Variants in GRID1 observed in about 807,000 individuals in gnomAD.
GRID1 encodes glutamate ionotropic receptor delta type subunit 1, also known as glutamate receptor ionotropic, delta-1.
GRID1 carries 28 observed loss-of-function variants against 98.0 expected under a neutral mutation model. The ratio of observed to expected loss-of-function variants is 0.29; its 90% CI spans 0.21 to 0.39. The LOEUF is 0.39. Ranked by LOEUF, GRID1 falls within the 10% of genes least tolerant of loss-of-function variation. The pLI is 1.00. For synonymous variants in GRID1, 553 were observed against 538.5 expected (o/e 1.03, Z -0.37); for missense variants, 1,111 against 1,340.5 (o/e 0.83, Z 2.67).
chr10:85,862,615 G>A (rs962777694), intron 6 of GRID1, among the ~76,000 whole-genome samples: 3 of 152,184 alleles, frequency 2.0e-5, no homozygotes, highest in Non-Finnish European at 4.4e-5. Context: ...GAACTCAGCC[G>A]TGAGCTCTTG....
chr10:85,618,372 C>A (rs1243493392), intron 14 of GRID1, among the ~76,000 whole-genome samples: 1 of 152,180 alleles, frequency 6.6e-6, no homozygotes, highest in Non-Finnish European at 1.5e-5. Context: ...GTGGAATCAT[C>A]CTGAGCCTCC....
intron 4 of GRID1, among the ~76,000 whole-genome samples, chr10:85,980,103 C>T (rs758601500): frequency 7.2e-5 from 11 of 152,190 alleles, no homozygotes; most frequent in African/African-American, 1.7e-4. Context: ...GTTCCTGGAA[C>T]GCTCTCCCCT....
intron 4 of GRID1, among the ~76,000 whole-genome samples, chr10:85,946,223 C>G (rs1007055690): frequency 2.0e-5 from 3 of 152,132 alleles, no homozygotes; most frequent in African/African-American, 7.2e-5. Context: ...TTACAAGGTA[C>G]TATAAAGAGT....
chr10:85,973,195 T>C (rs1334879001), intron 4 of GRID1, among the ~76,000 whole-genome samples: 1 of 152,220 alleles, frequency 6.6e-6, no homozygotes, highest in Non-Finnish European at 1.5e-5. Context: ...ATATTCCCAT[T>C]TTGTATATTT....
rs558385536 is a variant in GRID1 at position 85,809,629 on chromosome 10, G to A, written c.1233+44867C>T. The stretch of plus-strand genomic sequence containing the variant: ...CCACACATTTCTCCTTATAAAAAAG[G>A]ACCAAGTAAGTAAATTAACAACTAA... On this transcript the variant is annotated intron_variant, in intron 8 of 15. Transcript: ENST00000327946. Among the ~76,000 whole-genome samples, 14 of 152,320 alleles carry A rather than the reference G, an allele frequency of 9.2e-5. No individual in the cohort carries two copies. The East Asian group carries it at 2.7e-3, about 29-fold the overall frequency.
At position 85,602,597 on chromosome 10, in the gene GRID1, G is replaced by A. The variant is rs1267023259; in HGVS notation, c.2706C>T (p.Ala902=). Residue 902 remains alanine, a synonymous_variant, in exon 16 of 16, where the codon GCC becomes GCT. Transcript: ENST00000327946. ...QISPASIELS[A]LEMGGLAPTQ... ...TGGGAGCCAGGCCCCCCATCTCCAGGGCCGAGAGCTCAATCGACGCTGGGG... is the reference window on the plus strand; with the variant it reads ...TGGGAGCCAGGCCCCCCATCTCCAGAGCCGAGAGCTCAATCGACGCTGGGG... 3 of 1,614,002 alleles carry A rather than the reference G, an allele frequency of 1.9e-6. No homozygotes were observed. In the African/African-American group the frequency reaches 4.0e-5, roughly 22 times the overall value.
intron 7 of GRID1, 99 bp from the exon 8 acceptor site, chr10:85,854,714 G>T: frequency 8.0e-7 from 1 of 1,253,332 alleles, no homozygotes; most frequent in Non-Finnish European, 1.1e-6. Flanking sequence ...CAAGAACGGA[G>T]CAATCAGTTT....
At chr10:86,288,870 A>C (rs959860428) in intron 2 of GRID1, among the ~76,000 whole-genome samples, 1 of 152,200 alleles carries the variant, frequency 6.6e-6, no homozygotes, top group African/African-American at 2.4e-5. Context: ...CCACACAAGC[A>C]TGGGGTGAAG....
At chr10:85,792,933 A>T (rs1399215999) in intron 8 of GRID1, among the ~76,000 whole-genome samples, 4 of 152,172 alleles carry the variant, frequency 2.6e-5, no homozygotes, top group African/African-American at 9.7e-5. Context: ...AAGGCATGAA[A>T]CATTTCAGAT....
chr10:85,724,767 T>C, intron 10 of GRID1, 91 bp from the exon 11 acceptor site: 1 of 1,016,226 alleles, frequency 9.8e-7, no homozygotes, highest in Middle Eastern at 3.2e-4. Flanking sequence ...GTCCTTTGAG[T>C]TGCTCTGTTC....
chr10:86,361,032 C>G (rs1213811576), intron 2 of GRID1, among the ~76,000 whole-genome samples: 2 of 152,206 alleles, frequency 1.3e-5, no homozygotes, highest in Non-Finnish European at 2.9e-5. Flanking sequence ...TTTTTCTTTC[C>G]TACTCAACCT....
intron 6 of GRID1, among the ~76,000 whole-genome samples, chr10:85,862,245 T>C (rs1392850953): frequency 1.3e-5 from 2 of 152,196 alleles, no homozygotes; most frequent in Non-Finnish European, 2.9e-5. Context: ...AGGTCTAACA[T>C]AAGAAGAAAT....
At chr10:86,237,873 A>G (rs1846566505) in intron 2 of GRID1, among the ~76,000 whole-genome samples, 1 of 152,086 alleles carries the variant, frequency 6.6e-6, no homozygotes, top group South Asian at 2.1e-4. Flanking sequence ...TTCTTTATAA[A>G]TTACCCAGTC....
intron 8 of GRID1, among the ~76,000 whole-genome samples, chr10:85,766,257 G>A (rs936497393): frequency 9.8e-5 from 15 of 152,354 alleles, no homozygotes; most frequent in South Asian, 8.3e-4. Context: ...AGACTGAGGC[G>A]TGAGGACTGC....
intron 3 of GRID1, among the ~76,000 whole-genome samples, chr10:86,177,340 AACTT>A (rs1221424015): frequency 4.6e-5 from 7 of 152,224 alleles, no homozygotes; most frequent in African/African-American, 1.7e-4. Context: ...CTCAACATTC[AACTT>A]ACTTCTCTGG....
chr10:86,217,872 T>G (rs1004311578), intron 2 of GRID1, among the ~76,000 whole-genome samples: 17 of 151,964 alleles, frequency 1.1e-4, no homozygotes, highest in African/African-American at 3.9e-4. Flanking sequence ...TAGACTCCTA[T>G]GGACAGGCCA....
chr10:86,366,362 A>G lies in GRID1; in HGVS notation c.31T>C (p.Trp11Arg). 6.6e-7 allele frequency: 1 copy of G among 1,521,506 alleles called. No homozygotes were observed. The highest frequency in any genetic ancestry group is 8.8e-7 in the Non-Finnish European group (1 of 1,132,736). The allele number at this position is 1,521,506 out of a possible 1,614,324, so 94.3% of individuals were successfully genotyped here. MEALTLWLLP[W>R]ICQCVSVRAD... is the part of the protein sequence containing the mutation. Reference sequence around the variant, plus strand: ...CGCACCGACACGCACTGGCATATCCAGGGGAGAAGCCACAGCGTCAGCGCT... The same window carrying G: ...CGCACCGACACGCACTGGCATATCCGGGGGAGAAGCCACAGCGTCAGCGCT... Residue 11 changes from tryptophan to arginine, a missense_variant, in exon 1 of 16, where the codon TGG becomes CGG. Physicochemically the swap from Trp to Arg is moderately radical, Grantham distance 101. Transcript: ENST00000327946. This position sits in a 1 kb window ranked among gnomAD's most constrained non-coding sequence, Gnocchi z 4.1.
chr10:86,137,133 T>A lies in GRID1; in HGVS notation c.726+1686A>T, dbSNP rs143032446. ...TGGCAATAACATCCTTAGGCCAGTC[T>A]TAGTTATGTGTTAAATCCTCACAGG... On this transcript the variant is annotated intron_variant, in intron 4 of 15. Coordinates refer to ENST00000327946, the MANE Select transcript of GRID1 (RefSeq NM_017551.3). 8.5e-5 allele frequency among the ~76,000 whole-genome samples: 13 copies of A among 152,330 alleles called. No individual in the cohort carries two copies. The East Asian group carries it at 2.5e-3, about 29-fold the overall frequency.
intron 5 of GRID1, among the ~76,000 whole-genome samples, chr10:85,905,883 C>T (rs1841453663): frequency 6.6e-6 from 1 of 152,040 alleles, no homozygotes; most frequent in Non-Finnish European, 1.5e-5. Context: ...GGCAAGAAGA[C>T]AGCCTTGAAC....
Sources: allele counts gnomAD v4.1 joint callset (sites outside exome capture counted in the v4.1 genomes callset), GRCh38; gene constraint gnomAD v4.1.1; non-coding constraint Gnocchi (gnomAD v3.1); transcripts MANE v1.5; gene names NCBI Gene and HGNC (gene_info 2026-07-23, HGNC 2026-07-21).